Variants in KCNQ3 observed in about 807,000 individuals in gnomAD.
KCNQ3 encodes the protein potassium voltage-gated channel subfamily KQT member 3.
Under a neutral mutation model 92.5 loss-of-function variants are expected in KCNQ3, and 30 were observed. The ratio of observed to expected loss-of-function variants is 0.32; its 90% CI spans 0.24 to 0.44. The LOEUF is 0.44. Among genes scored for constraint, KCNQ3 ranks in the 20% least tolerant of loss-of-function variants. The pLI, the probability that KCNQ3 is intolerant of heterozygous loss-of-function variation, is 1.00. For synonymous variants in KCNQ3, 450 were observed against 468.8 expected (o/e 0.96, Z 0.52); for missense variants, 913 against 1,140.3 (o/e 0.80, Z 2.87).
At chr8:132,219,841 T>A (rs1814161569) in intron 1 of KCNQ3, among the ~76,000 whole-genome samples, 1 of 152,118 alleles carries the variant, frequency 6.6e-6, no homozygotes, top group East Asian at 1.9e-4. Flanking sequence ...AATACAAGAT[T>A]TTGCTACTAA....
At chr8:132,447,225 A>G in intron 1 of KCNQ3, 1 of 1,535,692 alleles carries the variant, frequency 6.5e-7, no homozygotes, top group Non-Finnish European at 8.7e-7. Flanking sequence ...TGCAGGCTTC[A>G]TAAGGTAATG....
chr8:132,432,250 C>A (rs941966795), intron 1 of KCNQ3, among the ~76,000 whole-genome samples: 1 of 151,746 alleles, frequency 6.6e-6, no homozygotes, highest in Non-Finnish European at 1.5e-5. Context: ...GAATTGGAAT[C>A]GAATTAATCA....
At chr8:132,219,588 C>G (rs934388285) in intron 1 of KCNQ3, among the ~76,000 whole-genome samples, 5 of 152,102 alleles carry the variant, frequency 3.3e-5, no homozygotes, top group African/African-American at 9.7e-5. Context: ...AACAATAATA[C>G]CTAAAAATGG....
chr8:132,319,849 T>C (rs764113723), intron 1 of KCNQ3, among the ~76,000 whole-genome samples: 4 of 152,190 alleles, frequency 2.6e-5, no homozygotes, highest in Admixed American at 6.5e-5. Context: ...CAGGACTATA[T>C]GATGGAAGAG....
intron 1 of KCNQ3, among the ~76,000 whole-genome samples, chr8:132,433,754 G>A (rs549967357): frequency 1.3e-5 from 2 of 152,198 alleles, no homozygotes; most frequent in South Asian, 4.2e-4. Context: ...GCTGGATGTG[G>A]TGGTGCACAC....
Position 132,129,483 on chromosome 8 carries a change from G to T in KCNQ3, c.2398C>A (p.Leu800Met). ...LSLMSVNHEELERSPSGFSIS... is the reference protein window; with the variant it reads ...LSLMSVNHEEMERSPSGFSIS... ...CTGAAGCCACTTGGAGACCTCTCCA[G>T]CTCCTCGTGGTTGACCGACATCAGG... The change falls in exon 15 of 15, where the codon CTG becomes ATG. Residue 800 changes from leucine (L) to methionine (M), a missense_variant. Physicochemically the swap from Leu to Met is conservative, Grantham distance 15 (BLOSUM62 2). This residue lies in a region of KCNQ3 where 375 missense variants were observed against 376.4 expected (regional missense o/e 1.00). Coordinates refer to ENST00000388996, the MANE Select transcript of KCNQ3 (RefSeq NM_004519.4). This position sits in a 1 kb window ranked among gnomAD's most constrained non-coding sequence, Gnocchi z 5.9. 1 of 1,614,190 alleles carries T rather than the reference G, an allele frequency of 6.2e-7. No individual in the cohort carries two copies. Among genetic ancestry groups the T allele is most frequent in the Non-Finnish European group, 8.5e-7 (1 of 1,180,046 alleles).
chr8:132,365,214 A>G (rs1428673125), intron 1 of KCNQ3, among the ~76,000 whole-genome samples: 4 of 152,246 alleles, frequency 2.6e-5, no homozygotes, highest in African/African-American at 9.6e-5. Context: ...TTAATGAACA[A>G]AGGTTAAACC....
intron 1 of KCNQ3, among the ~76,000 whole-genome samples, chr8:132,284,801 T>C (rs558124398): frequency 4.6e-5 from 7 of 152,178 alleles, no homozygotes; most frequent in Non-Finnish European, 8.8e-5. Context: ...CGTTAAGGGG[T>C]GACTAGGTCA....
intron 1 of KCNQ3, among the ~76,000 whole-genome samples, chr8:132,473,243 T>C (rs1822333085): frequency 6.6e-6 from 1 of 151,440 alleles, no homozygotes; most frequent in Non-Finnish European, 1.5e-5. Flanking sequence ...ATAAAATACA[T>C]GGGAGCTGAA....
intron 2 of KCNQ3, 106 bp from the exon 3 acceptor site, chr8:132,184,473 C>G: frequency 6.8e-6 from 7 of 1,026,522 alleles, no homozygotes; most frequent in East Asian, 8.3e-5. Flanking sequence ...TGTGCTGTTG[C>G]TGGTTGTCTG....
chr8:132,383,971 T>C (rs1027240389), intron 1 of KCNQ3, among the ~76,000 whole-genome samples: 1 of 152,172 alleles, frequency 6.6e-6, no homozygotes, highest in African/African-American at 2.4e-5. Context: ...AGTTAAGTCT[T>C]AGCTACAATT....
At chr8:132,163,543 G>C in intron 8 of KCNQ3, 49 bp from the exon 9 acceptor site, 1 of 1,441,222 alleles carries the variant, frequency 6.9e-7, no homozygotes, top group Non-Finnish European at 9.8e-7. Flanking sequence ...ACGTGAAACA[G>C]CTGTATCCTT....
At chr8:132,244,274 C>T (rs1206694957) in intron 1 of KCNQ3, among the ~76,000 whole-genome samples, 1 of 151,706 alleles carries the variant, frequency 6.6e-6, no homozygotes. Context: ...CTTTATATCA[C>T]TTGCTATAAA....
intron 1 of KCNQ3, among the ~76,000 whole-genome samples, chr8:132,327,877 G>A (rs1417555225): frequency 6.6e-6 from 1 of 152,086 alleles, no homozygotes; most frequent in Non-Finnish European, 1.5e-5. Flanking sequence ...GCAGTCTGGG[G>A]TACAGAGGAC....
intron 8 of KCNQ3, among the ~76,000 whole-genome samples, chr8:132,167,943 T>A (rs1038243951): frequency 2.6e-5 from 4 of 152,278 alleles, no homozygotes; most frequent in African/African-American, 9.6e-5. Flanking sequence ...CTAAGAAGAC[T>A]CTGCTTTATG....
At chr8:132,144,090 T>C (rs1278857578) in intron 9 of KCNQ3, among the ~76,000 whole-genome samples, 1 of 152,214 alleles carries the variant, frequency 6.6e-6, no homozygotes, top group Non-Finnish European at 1.5e-5. Context: ...TGCTGGGATT[T>C]AGGATTTGCT....
chr8:132,471,466 T>C (rs1822298183), intron 1 of KCNQ3, among the ~76,000 whole-genome samples: 1 of 152,166 alleles, frequency 6.6e-6, no homozygotes, highest in Non-Finnish European at 1.5e-5. Flanking sequence ...GGCAGCAGAT[T>C]AGATATGATC....
intron 1 of KCNQ3, among the ~76,000 whole-genome samples, chr8:132,355,050 C>A (rs569402430): frequency 1.8e-4 from 27 of 152,262 alleles, no homozygotes; most frequent in Non-Finnish European, 3.5e-4. Flanking sequence ...CAGCAAAAAA[C>A]CTCTAGGGAA....
chr8:132,432,686 G>T (rs1024272167), intron 1 of KCNQ3, among the ~76,000 whole-genome samples: 1 of 152,082 alleles, frequency 6.6e-6, no homozygotes, highest in Admixed American at 6.6e-5. Flanking sequence ...TCATCATCTA[G>T]GTCCTGCCTA....
Sources: gnomAD v4.1 joint callset for allele counts (sites outside exome capture counted in the v4.1 genomes callset) on GRCh38, gnomAD v4.1.1 for gene constraint, gnomAD v4.1.1 regional missense constraint, Gnocchi (gnomAD v3.1) non-coding constraint, MANE v1.5 for transcripts, NCBI Gene and HGNC (gene_info 2026-07-23, HGNC 2026-07-21) for gene names.